FXR2: variants seen among roughly 807,000 people sequenced by gnomAD.
The protein encoded by FXR2 is RNA-binding protein FXR2.
FXR2 carries 9 observed loss-of-function variants against 87.3 expected under a neutral mutation model. That is an observed-to-expected ratio of 0.10 (90% confidence interval 0.06 to 0.18). The LOEUF (loss-of-function observed/expected upper bound fraction) is 0.18. Ranked by LOEUF, FXR2 falls within the 10% of genes least tolerant of loss-of-function variation. FXR2 has a pLI of 1.00. For missense variants in FXR2, 661 were observed against 893.6 expected (o/e 0.74, Z 3.32); for synonymous variants, 331 against 328.3 (o/e 1.01, Z -0.09).
chr17:7,612,375 A>C (rs1451577357), intron 1 of FXR2, among the ~76,000 whole-genome samples: 1 of 152,248 alleles, frequency 6.6e-6, no homozygotes, highest in Non-Finnish European at 1.5e-5. Context: ...TATGAGAGAC[A>C]AATGTGCTCT....
chr17:7,596,027 GGTA>G (rs765436684), intron 7 of FXR2, 33 bp from the exon 8 acceptor site: 2 of 1,566,542 alleles, frequency 1.3e-6, no homozygotes, highest in South Asian at 2.2e-5. Context: ...GAATCATGGT[GGTA>G]GAATCTCACA....
rs1567754038 is a variant in FXR2, at chr17:7,610,007, T to TATATATACATGCATATGTATAC, written c.82-3859_82-3858insGTATACATATGCATGTATATAT. 1.1e-3 allele frequency among the ~76,000 whole-genome samples: 86 copies of TATATATACATGCATATGTATAC among 76,846 alleles called. 3 individuals carry two copies. The highest frequency in any genetic ancestry group is 5.2e-3 in the East Asian group (14 of 2,678). 50.4% of individuals were successfully genotyped at this position (76,846 alleles called of 152,430 possible). On this transcript the variant is annotated intron_variant, in intron 1 of 16. Transcript: ENST00000250113. The stretch of plus-strand genomic sequence containing the variant: ...ATATATATACATGTATATGTATACA[T>TATATATACATGCATATGTATAC]ATATATATACATGTATATGTATACA...
chr17:7,602,937 T>C lies in FXR2; in HGVS notation c.515A>G (p.Asn172Ser). 3 of 1,566,588 alleles carry C rather than the reference T, an allele frequency of 1.9e-6. No homozygotes were observed. Among genetic ancestry groups the C allele is most frequent in the Non-Finnish European group, 2.6e-6 (3 of 1,137,714 alleles). ...KALGANCIFL[N>S]ITNSELFILS... Reference sequence around the variant, plus strand: ...AATGAAGAGCTCACTGTTTGTGATGTTGAGAAAGATGCAGTTGGCTCCCAG... The same window carrying C: ...AATGAAGAGCTCACTGTTTGTGATGCTGAGAAAGATGCAGTTGGCTCCCAG... The change falls in exon 6 of 17, where the codon AAC becomes AGC. Residue 172 changes from asparagine to serine, a missense_variant. By Grantham distance (46) the Asn-to-Ser change is conservative. Around this residue, in one of 3 missense-constraint regions of FXR2, gnomAD observed 170 missense variants for 247.2 expected, o/e 0.69. Transcript: ENST00000250113.
intron 1 of FXR2, among the ~76,000 whole-genome samples, chr17:7,608,429 TAAAAAA>T (rs1201395730): frequency 3.4e-5 from 5 of 146,114 alleles, no homozygotes; most frequent in Non-Finnish European, 6.0e-5. Context: ...CCATTGCTAC[TAAAAAA>T]AAAAAAAAAT....
chr17:7,611,496 C>T (rs546007412), intron 1 of FXR2, among the ~76,000 whole-genome samples: 14 of 152,132 alleles, frequency 9.2e-5, no homozygotes, highest in Admixed American at 2.6e-4. Context: ...AGCGAAACCC[C>T]GTCTCTACTG....
rs1370431366 is a variant in FXR2 at position 7,593,461 on chromosome 17, G to T, written c.1272C>A (p.Thr424=). Residue 424 remains threonine (T), a synonymous_variant, in exon 12 of 17, where the codon ACC becomes ACA. Transcript: ENST00000250113. This position sits in a 1 kb window ranked among gnomAD's most constrained non-coding sequence, Gnocchi z 6.1. Reference sequence around the variant, plus strand: ...CACGGCCCCCATAGCTGCCCCCATAGGTTCGAGTCGCATGGAGGGAGGAGG... The same window carrying T: ...CACGGCCCCCATAGCTGCCCCCATATGTTCGAGTCGCATGGAGGGAGGAGG... ...SSSSSLHATR[T]YGGSYGGRGR... 3 of 1,589,886 alleles carry T rather than the reference G, an allele frequency of 1.9e-6. No homozygotes were observed. Among genetic ancestry groups the T allele is most frequent in the Non-Finnish European group, 1.7e-6 (2 of 1,169,240 alleles).
Position 7,594,664 on chromosome 17 carries a change from A to C in FXR2, c.910+15T>G. On this transcript the variant is annotated intron_variant, in intron 9 of 16. Coordinates refer to ENST00000250113, the MANE Select transcript of FXR2 (RefSeq NM_004860.4). This position sits in a 1 kb window ranked among gnomAD's most constrained non-coding sequence, Gnocchi z 5.1. Reference sequence around the variant, plus strand: ...GATTCTGACCTCTAACTGTATATACACACCACCAACTCACCAACCAGGTTC... The same window carrying C: ...GATTCTGACCTCTAACTGTATATACCCACCACCAACTCACCAACCAGGTTC... The C allele has an allele frequency of 6.6e-7, 1 of 1,522,364 alleles. No individual in the cohort carries two copies. The highest frequency in any genetic ancestry group is 9.1e-7 in the Non-Finnish European group (1 of 1,096,236). 94.3% of individuals were successfully genotyped at this position (1,522,364 alleles called of 1,614,324 possible).
chr17:7,594,826 T>A lies in FXR2; in HGVS notation c.832-69A>T. The A allele has an allele frequency of 1.1e-6, 1 of 933,644 alleles. No individual in the cohort carries two copies. The highest frequency in any genetic ancestry group is 1.8e-6 in the Non-Finnish European group (1 of 561,632). The allele number at this position is 933,644 out of a possible 1,614,324, so 57.8% of individuals were successfully genotyped here. The stretch of plus-strand genomic sequence containing the variant: ...AGCTGGATGTGGTGGCTCACGCCTG[T>A]AATCCCAGCACTTTGGGAGGCTGGA... On this transcript the variant is annotated intron_variant, in intron 8 of 16. Coordinates refer to ENST00000250113, the MANE Select transcript of FXR2 (RefSeq NM_004860.4). This position sits in a 1 kb window ranked among gnomAD's most constrained non-coding sequence, Gnocchi z 5.1.
In FXR2 at chr17:7,594,741, C is replaced by T. The variant is rs1182052778; in HGVS notation, c.848G>A (p.Arg283Gln). Reference sequence around the variant, plus strand: ...AAACTCAAGGTAGCTTCGGGCCTGTCGGCAAGCCTCGGGAGTCTAAAGGAA... The same window carrying T: ...AAACTCAAGGTAGCTTCGGGCCTGTTGGCAAGCCTCGGGAGTCTAAAGGAA... ...RIYGETPEAC[R>Q]QARSYLEFSE... The change falls in exon 9 of 17, where the codon CGA becomes CAA. Residue 283 changes from arginine to glutamine, a missense_variant. This residue lies in a region of FXR2 where 82 missense variants were observed against 214.4 expected (regional missense o/e 0.38). Transcript: ENST00000250113. The surrounding 1 kb of genome is among the most constrained non-coding windows in gnomAD (Gnocchi z 5.1). 4.3e-6 allele frequency: 7 copies of T among 1,609,760 alleles called. No homozygotes were observed. The highest frequency in any genetic ancestry group is 5.1e-6 in the Non-Finnish European group (6 of 1,176,078).
At chr17:7,612,356 G>A (rs574300066) in intron 1 of FXR2, among the ~76,000 whole-genome samples, 1 of 152,260 alleles carries the variant, frequency 6.6e-6, no homozygotes, top group South Asian at 2.1e-4. Flanking sequence ...GCAAGTTTGG[G>A]GAAAAGGATA....
chr17:7,591,681 C>A lies in FXR2; in HGVS notation c.*149G>T. On this transcript the variant is annotated 3_prime_UTR_variant, in exon 17 of 17. Coordinates refer to ENST00000250113, the MANE Select transcript of FXR2 (RefSeq NM_004860.4). The surrounding 1 kb of genome is among the most constrained non-coding windows in gnomAD (Gnocchi z 4.0). ...ACCCTGTTACACACCCCTCCACTAG[C>A]TCCTGGAGGTTGGGGGGTACCCAAG... 1 of 686,560 alleles carries A rather than the reference C, an allele frequency of 1.5e-6. No homozygotes were observed. The highest frequency in any genetic ancestry group is 2.1e-5 in the Admixed American group (1 of 47,984). The allele number at this position is 686,560 out of a possible 1,614,324, so 42.5% of individuals were successfully genotyped here. A position where few individuals can be genotyped will look rare whatever the true frequency, so the allele number is the denominator to read the frequency against.
At chr17:7,597,688 C>T (rs557306441) in intron 7 of FXR2, among the ~76,000 whole-genome samples, 147 of 152,252 alleles carry the variant, frequency 9.7e-4, no homozygotes, top group African/African-American at 3.1e-3. Flanking sequence ...GGATTGCAGG[C>T]GTGAGCCGCT....
Position 7,592,029 on chromosome 17 carries a change from C to A in FXR2, c.1927-104G>T. ...CCAAGCCCTCCTGGCATTTGGTGATCCAGAGGTTGGTTCCCTGATCTCATG... is the reference window on the plus strand; with the variant it reads ...CCAAGCCCTCCTGGCATTTGGTGATACAGAGGTTGGTTCCCTGATCTCATG... On this transcript the variant is annotated intron_variant, in intron 16 of 16. Transcript: ENST00000250113. This position sits in a 1 kb window ranked among gnomAD's most constrained non-coding sequence, Gnocchi z 4.8. 8.0e-7 allele frequency: 1 copy of A among 1,253,122 alleles called. No individual in the cohort carries two copies. 77.6% of individuals were successfully genotyped at this position (1,253,122 alleles called of 1,614,324 possible). A position where few individuals can be genotyped will look rare whatever the true frequency, so the allele number is the denominator to read the frequency against.
rs2150940451 is a variant in FXR2 at position 7,593,751 on chromosome 17, G to T, written c.1108-126C>A. On this transcript the variant is annotated intron_variant, in intron 11 of 16. Coordinates refer to ENST00000250113, the MANE Select transcript of FXR2 (RefSeq NM_004860.4). The surrounding 1 kb of genome is among the most constrained non-coding windows in gnomAD (Gnocchi z 6.1). Reference sequence around the variant, plus strand: ...GAATGCAGGGAGAAGGAAGACACTGGCTAAACAAGGAAAATTCTGGGACCC... The same window carrying T: ...GAATGCAGGGAGAAGGAAGACACTGTCTAAACAAGGAAAATTCTGGGACCC... 1 of 825,192 alleles carries T rather than the reference G, an allele frequency of 1.2e-6. No individual in the cohort carries two copies. The highest frequency in any genetic ancestry group is 2.0e-6 in the Non-Finnish European group (1 of 510,942). The allele number at this position is 825,192 out of a possible 1,614,324, so 51.1% of individuals were successfully genotyped here.
chr17:7,612,078 T>C (rs1344809830), intron 1 of FXR2, among the ~76,000 whole-genome samples: 1 of 152,212 alleles, frequency 6.6e-6, no homozygotes, highest in Non-Finnish European at 1.5e-5. Flanking sequence ...AGAGACTTTC[T>C]GCTGGACACT....
At position 7,593,454 on chromosome 17, in the gene FXR2, C is replaced by T. The variant is rs781040872; in HGVS notation, c.1279G>A (p.Gly427Ser). The part of the protein sequence containing the change: ...SSLHATRTYG[G>S]SYGGRGRGRR... ...CCACGGCCACGGCCCCCATAGCTGC[C>T]CCCATAGGTTCGAGTCGCATGGAGG... The change falls in exon 12 of 17, where the codon GGC (glycine) becomes AGC (serine). Residue 427 changes from glycine to serine, a missense_variant. Gly to Ser is a moderately conservative substitution (Grantham distance 56). Transcript: ENST00000250113. The surrounding 1 kb of genome is among the most constrained non-coding windows in gnomAD (Gnocchi z 6.1). 83 of 1,590,174 alleles carry T rather than the reference C, an allele frequency of 5.2e-5. No homozygotes were observed. The highest frequency in any genetic ancestry group is 6.8e-5 in the East Asian group (3 of 43,808).
Position 7,614,547 on chromosome 17 carries a change from C to T in FXR2, c.-15G>A. On this transcript the variant is annotated 5_prime_UTR_variant, in exon 1 of 17. Transcript: ENST00000250113. ...AGGCCGCCCATGGCGCCGCCACCGC[C>T]TCCGACTCCCCCGGCGGCGGCTGCA... The T allele has an allele frequency of 6.9e-7, 1 of 1,448,580 alleles. No individual in the cohort carries two copies. The highest frequency in any genetic ancestry group is 9.1e-7 in the Non-Finnish European group (1 of 1,100,170). The allele number at this position is 1,448,580 out of a possible 1,614,324, so 89.7% of individuals were successfully genotyped here.
chr17:7,608,421 A>AT (rs893135245), intron 1 of FXR2, among the ~76,000 whole-genome samples: 1 of 149,248 alleles, frequency 6.7e-6, no homozygotes, highest in African/African-American at 2.5e-5. Flanking sequence ...GCAAAATCCC[A>AT]TTGCTACTAA....
chr17:7,591,759 G>C lies in FXR2; in HGVS notation c.*71C>G. 1 of 868,378 alleles carries C rather than the reference G, an allele frequency of 1.2e-6. No homozygotes were observed. Among genetic ancestry groups the C allele is most frequent in the South Asian group, 1.4e-5 (1 of 73,338 alleles). The allele number at this position is 868,378 out of a possible 1,614,324, so 53.8% of individuals were successfully genotyped here. A position where few individuals can be genotyped will look rare whatever the true frequency, so the allele number is the denominator to read the frequency against. ...ATAAGAGCAGCTCCAGCGCAGGTCA[G>C]TTGGGCCTGTGAGGGCCATGGTGTT... On this transcript the variant is annotated 3_prime_UTR_variant, in exon 17 of 17. Transcript: ENST00000250113. The surrounding 1 kb of genome is among the most constrained non-coding windows in gnomAD (Gnocchi z 4.0).
Sources: allele counts gnomAD v4.1 joint callset (sites outside exome capture counted in the v4.1 genomes callset), GRCh38; gene constraint gnomAD v4.1.1; regional missense constraint gnomAD v4.1.1; non-coding constraint Gnocchi (gnomAD v3.1); transcripts MANE v1.5; gene names NCBI Gene and HGNC (gene_info 2026-07-23, HGNC 2026-07-21).